Variants in CSGALNACT1 observed in about 807,000 individuals in gnomAD.
CSGALNACT1 encodes chondroitin sulfate N-acetylgalactosaminyltransferase 1, also known as beta4GalNAcT-1.
In CSGALNACT1, 52 loss-of-function variants were observed where a neutral mutation model predicts 51.0. The observed-to-expected ratio is 1.02, with a 90% CI of 0.82 to 1.29. The LOEUF is 1.29. Ranked by LOEUF, CSGALNACT1 falls within the 50% of genes most tolerant of loss-of-function variation. The pLI, the probability that CSGALNACT1 is intolerant of heterozygous loss-of-function variation, is 0.00. For missense variants in CSGALNACT1, 935 were observed against 679.2 expected (o/e 1.38, Z -4.19); for synonymous variants, 341 against 254.4 (o/e 1.34, Z -3.24).
At position 19,505,334 on chromosome 8, in the gene CSGALNACT1, G is replaced by A. The variant is rs539310161; in HGVS notation, c.501C>T (p.Pro167=). Residue 167 remains proline (P), a synonymous_variant, in exon 4 of 10, where the codon CCC becomes CCT. Transcript: ENST00000454498. ...TGTCCTTCCTCACAGGCTTCTCCTC[G>A]GGGTGGCGGGTAAGGCCAGTCTCCA... is the stretch of plus-strand genomic sequence containing the variant. 234 of 1,614,158 alleles carry A rather than the reference G, an allele frequency of 1.4e-4. 5 individuals carry two copies. In the South Asian group the frequency reaches 2.0e-3, roughly 14 times the overall value.
chr8:19,666,883 A>AAGAAAGAAAGAG lies in CSGALNACT1; in HGVS notation c.-544+15589_-544+15590insCTCTTTCTTTCT, dbSNP rs1263613762. Among the ~76,000 whole-genome samples the AAGAAAGAAAGAG allele has an allele frequency of 8.2e-5, 8 of 97,370 alleles. 1 individual carries two copies. The highest frequency in any genetic ancestry group is 1.3e-4 in the Non-Finnish European group (6 of 46,922). 63.9% of individuals were successfully genotyped at this position (97,370 alleles called of 152,430 possible). On this transcript the variant is annotated intron_variant, in intron 1 of 9. Coordinates refer to the CSGALNACT1 transcript ENST00000332246. ...AAAGAAAGAAAGAAAGAAAGAAAGA[A>AAGAAAGAAAGAG]AGAGAGAGAGGAAGTGAGGAAGGGA...
chr8:19,693,006 A>T (rs1480176672), intron 1 of CSGALNACT1, among the ~76,000 whole-genome samples: 1 of 152,182 alleles, frequency 6.6e-6, no homozygotes, highest in African/African-American at 2.4e-5. Context: ...CCATGATGCC[A>T]TCAGCCCCCA....
Position 19,482,801 on chromosome 8 carries a change from G to A in CSGALNACT1, c.634+22400C>T, listed in dbSNP as rs183347967. 5.9e-5 allele frequency among the ~76,000 whole-genome samples: 9 copies of A among 152,186 alleles called. No homozygotes were observed. The East Asian group carries it at 1.5e-3, about 26-fold the overall frequency. On this transcript the variant is annotated intron_variant, in intron 4 of 9. Transcript: ENST00000454498. Reference sequence around the variant, plus strand: ...GTCCTAACCCCTTAGCTCCAAATTTGATTTTTATTTTGAGCTCCAAACCCA... The same window carrying A: ...GTCCTAACCCCTTAGCTCCAAATTTAATTTTTATTTTGAGCTCCAAACCCA...
chr8:19,694,164 C>G (rs1246756193), intron 1 of CSGALNACT1, among the ~76,000 whole-genome samples: 2 of 152,160 alleles, frequency 1.3e-5, no homozygotes, highest in Non-Finnish European at 2.9e-5. Context: ...AAATAACTAA[C>G]TGGCCCAAAC....
rs546710044 is a variant in CSGALNACT1, at chr8:19,543,315, G to T, written c.-296-37185C>A. Among the ~76,000 whole-genome samples the T allele has an allele frequency of 3.2e-4, 49 of 152,302 alleles. No individual in the cohort carries two copies. The South Asian group carries it at 3.5e-3, about 11-fold the overall frequency. The stretch of plus-strand genomic sequence containing the variant: ...CAAGATGAATTGCAGTTCTGTGCAG[G>T]AAAGTGTTAACATAGCACGCCTGAG... On this transcript the variant is annotated intron_variant, in intron 3 of 9. Transcript: ENST00000454498.
Position 19,406,086 on chromosome 8 carries a change from C to G in CSGALNACT1, c.1310-17G>C, listed in dbSNP as rs2153658176. On this transcript the variant is annotated splice_polypyrimidine_tract_variant and intron_variant, in intron 9 of 9. Transcript: ENST00000454498. The stretch of plus-strand genomic sequence containing the variant: ...CAAACCCACCTGTCGGGACAGAACA[C>G]ACTGTTGAATCACACTGCACTGATC... 6.2e-7 allele frequency: 1 copy of G among 1,613,948 alleles called. No homozygotes were observed. Among genetic ancestry groups the G allele is most frequent in the Non-Finnish European group, 8.5e-7 (1 of 1,179,992 alleles).
At chr8:19,720,212 T>C (rs2063041288) in intron 1 of CSGALNACT1, among the ~76,000 whole-genome samples, 1 of 152,172 alleles carries the variant, frequency 6.6e-6, no homozygotes, top group African/African-American at 2.4e-5. Context: ...CATGCCAGCA[T>C]TTTAGGTTTT....
At chr8:19,731,319 C>G (rs2063681435) in intron 1 of CSGALNACT1, among the ~76,000 whole-genome samples, 1 of 152,002 alleles carries the variant, frequency 6.6e-6, no homozygotes, top group Non-Finnish European at 1.5e-5. Flanking sequence ...GCCAGCCTGG[C>G]CAACATAATA....
At chr8:19,674,618 G>T (rs916833351) in intron 1 of CSGALNACT1, among the ~76,000 whole-genome samples, 1 of 152,146 alleles carries the variant, frequency 6.6e-6, no homozygotes, top group East Asian at 1.9e-4. Context: ...GCCTTTATCC[G>T]CAGTGATAGG....
intron 1 of CSGALNACT1, among the ~76,000 whole-genome samples, chr8:19,694,916 T>C (rs1438720103): frequency 1.3e-5 from 2 of 152,220 alleles, no homozygotes; most frequent in African/African-American, 4.8e-5. Context: ...GCAGCAAAGA[T>C]GGCACACAGA....
At chr8:19,517,625 G>A (rs762433558) in intron 3 of CSGALNACT1, among the ~76,000 whole-genome samples, 1 of 152,096 alleles carries the variant, frequency 6.6e-6, no homozygotes, top group African/African-American at 2.4e-5. Context: ...TGGCTGGGGA[G>A]GCCTCACAAT....
intron 4 of CSGALNACT1, among the ~76,000 whole-genome samples, chr8:19,484,941 G>C (rs979837948): frequency 1.3e-5 from 2 of 152,168 alleles, no homozygotes; most frequent in African/African-American, 4.8e-5. Flanking sequence ...AGTGAGAGGG[G>C]GTGGTCCTAT....
chr8:19,684,592 G>A (rs574442690), upstream of CSGALNACT1, among the ~76,000 whole-genome samples: 5 of 152,032 alleles, frequency 3.3e-5, no homozygotes, highest in East Asian at 1.9e-4. Context: ...CTGGGACCCA[G>A]GGATTGCTCC....
intron 1 of CSGALNACT1, among the ~76,000 whole-genome samples, chr8:19,635,374 C>G (rs1387794481): frequency 1.3e-5 from 2 of 152,222 alleles, no homozygotes; most frequent in African/African-American, 4.8e-5. Context: ...GTTGCCCTCA[C>G]TTTAGACACC....
chr8:19,580,777 T>C (rs1485323386), intron 3 of CSGALNACT1, among the ~76,000 whole-genome samples: 1 of 152,168 alleles, frequency 6.6e-6, no homozygotes, highest in Non-Finnish European at 1.5e-5. Flanking sequence ...AATTACTGTG[T>C]TCAAGAAAAT....
At chr8:19,588,709 T>C (rs1288690807) in intron 3 of CSGALNACT1, among the ~76,000 whole-genome samples, 1 of 152,176 alleles carries the variant, frequency 6.6e-6, no homozygotes, top group Non-Finnish European at 1.5e-5. Context: ...TTGTCAATTT[T>C]TTTGCAAGGT....
intron 1 of CSGALNACT1, among the ~76,000 whole-genome samples, chr8:19,720,075 C>T (rs2063031901): frequency 6.6e-6 from 1 of 152,148 alleles, no homozygotes; most frequent in South Asian, 2.1e-4. Flanking sequence ...TTTTGCAAAC[C>T]TGAGAATGAT....
chr8:19,543,124 T>G (rs1056565367), intron 3 of CSGALNACT1, among the ~76,000 whole-genome samples: 1 of 152,174 alleles, frequency 6.6e-6, no homozygotes, highest in African/African-American at 2.4e-5. Flanking sequence ...TCACGGAGTT[T>G]TCAAAACTAG....
intron 4 of CSGALNACT1, among the ~76,000 whole-genome samples, chr8:19,480,381 T>A (rs968136502): frequency 1.3e-5 from 2 of 152,202 alleles, no homozygotes; most frequent in African/African-American, 4.8e-5. Context: ...CTTCTGTTTT[T>A]GCATTAGTTT....
Sources: gnomAD v4.1 joint callset for allele counts (sites outside exome capture counted in the v4.1 genomes callset) on GRCh38, gnomAD v4.1.1 for gene constraint, MANE v1.5 for transcripts, NCBI Gene and HGNC (gene_info 2026-07-23, HGNC 2026-07-21) for gene names.